The following SERPINA12 variants were observed in gnomAD, a reference collection of about 807,000 sequenced individuals.
SERPINA12 encodes the protein serpin family A member 12.
Under a neutral mutation model 25.9 loss-of-function variants are expected in SERPINA12, and 21 were observed. The observed-to-expected ratio is 0.81, with a 90% CI of 0.58 to 1.17. The LOEUF (loss-of-function observed/expected upper bound fraction) is 1.17. Among genes scored for constraint, SERPINA12 ranks in the 50% most tolerant of loss-of-function variants. SERPINA12 has a pLI of 0.00. For missense variants in SERPINA12, 562 were observed against 508.3 expected (o/e 1.11, Z -1.02); for synonymous variants, 220 against 196.0 (o/e 1.12, Z -1.02).
intron 3 of SERPINA12, among the ~76,000 whole-genome samples, chr14:94,491,655 A>T (rs183837398): frequency 5.9e-5 from 9 of 152,242 alleles, no homozygotes; most frequent in Admixed American, 5.9e-4. Context: ...GACAGACTGA[A>T]TGAGGCATTT....
chr14:94,489,517 G>A, intron 4 of SERPINA12, 103 bp downstream of exon 4: 1 of 1,344,372 alleles, frequency 7.4e-7, no homozygotes, highest in Admixed American at 2.2e-5. Context: ...CCGACTGGTG[G>A]GTGGAGTCTC....
At position 94,496,522 on chromosome 14, in the gene SERPINA12, G is replaced by T. The variant is rs761146045; in HGVS notation, c.756C>A (p.Asp252Glu). The T allele has an allele frequency of 1.9e-6, 3 of 1,613,868 alleles. No individual in the cohort carries two copies. Among genetic ancestry groups the T allele is most frequent in the Admixed American group, 1.7e-5 (1 of 59,986 alleles). The change falls in exon 3 of 5, where the codon GAC becomes GAA. Residue 252 changes from aspartate to glutamate, a missense_variant. Asp to Glu is a conservative substitution (Grantham distance 45). Transcript: ENST00000677451. ...CCAGGATGGTGCAAGAGAGCTTATC[G>T]TCATAGCCAACTTGGTATATGCCAC... is the stretch of plus-strand genomic sequence containing the variant. ...FRSGIYQVGY[D>E]DKLSCTILEI... is the part of the protein sequence containing the mutation.
chr14:94,517,377 AGCTC>A (rs540081647), intron 1 of SERPINA12: 1 of 152,314 alleles, frequency 6.6e-6, no homozygotes, highest in South Asian at 2.1e-4. Context: ...ATTTCTGGTT[AGCTC>A]CCTCTATAAC....
chr14:94,489,211 GAGAAAGAGAGAGAGAAAGAGGAA>G (rs1346410999), intron 4 of SERPINA12, among the ~76,000 whole-genome samples: 2 of 124,078 alleles, frequency 1.6e-5, no homozygotes, highest in Admixed American at 8.1e-5. Flanking sequence ...GAAAGAAAGA[GAGAAAGAGAGAGAGAAAGAGGAA>G]AGAAAGAGAG....
At chr14:94,490,500 C>T (rs1595684541) in intron 3 of SERPINA12, among the ~76,000 whole-genome samples, 3 of 152,088 alleles carry the variant, frequency 2.0e-5, no homozygotes, top group Admixed American at 2.0e-4. Context: ...GATCTCATTC[C>T]TGCCTATGTG....
chr14:94,496,825 A>G (rs547709507), intron 2 of SERPINA12, among the ~76,000 whole-genome samples, 182 bp from the exon 3 acceptor site: 1 of 152,238 alleles, frequency 6.6e-6, no homozygotes, highest in African/African-American at 2.4e-5. Flanking sequence ...CTCAGGTGCA[A>G]TTATTAGTTC....
Position 94,498,447 on chromosome 14 carries a change from A to T in SERPINA12, c.-33-17T>A. ...GTAGTAGACCTGAGGTCAGCAGAAA[A>T]AAAGAACATGATAACCCCATTGCCT... On this transcript the variant is annotated splice_polypyrimidine_tract_variant and intron_variant, in intron 1 of 4. Coordinates refer to ENST00000677451, the MANE Select transcript of SERPINA12 (RefSeq NM_001382267.1). The T allele has an allele frequency of 6.4e-7, 1 of 1,570,884 alleles. No individual in the cohort carries two copies. Among genetic ancestry groups the T allele is most frequent in the Non-Finnish European group, 8.6e-7 (1 of 1,160,452 alleles).
chr14:94,492,319 T>G (rs1900210518), intron 3 of SERPINA12, among the ~76,000 whole-genome samples: 1 of 151,292 alleles, frequency 6.6e-6, no homozygotes, highest in Non-Finnish European at 1.5e-5. Context: ...AAAGGGGGAG[T>G]GACGAAATGG....
In SERPINA12 at chr14:94,508,357, A is replaced by C. The variant is rs114466398; in HGVS notation, c.-34+985T>G. On this transcript the variant is annotated intron_variant, in intron 1 of 4. Transcript: ENST00000677451. The stretch of plus-strand genomic sequence containing the variant: ...ATGTTGAAAATCTTTCCACACAAAA[A>C]TCTAAACAAGTAAGAAATAAAAGGA... Among the ~76,000 whole-genome samples the C allele has an allele frequency of 4.3e-3, 642 of 149,564 alleles. 4 individuals are homozygous for C. Among genetic ancestry groups the C allele is most frequent in the African/African-American group, 0.015 (613 of 40,392 alleles).
At position 94,508,277 on chromosome 14, in the gene SERPINA12, T is replaced by A. The variant is rs1029951957; in HGVS notation, c.-34+1065A>T. ...AATAATTGATTTTGAAAGAAAATAT[T>A]TTTAAGCAATCTCCGGTAAGATCCT... On this transcript the variant is annotated intron_variant, in intron 1 of 4. Transcript: ENST00000677451. 2.0e-5 allele frequency among the ~76,000 whole-genome samples: 3 copies of A among 152,394 alleles called. No individual in the cohort carries two copies. The East Asian group carries it at 5.8e-4, about 29-fold the overall frequency.
chr14:94,515,029 C>A (rs966627945), intron 2 of SERPINA12, among the ~76,000 whole-genome samples: 1 of 152,200 alleles, frequency 6.6e-6, no homozygotes, highest in African/African-American at 2.4e-5. Context: ...CAGCCACACA[C>A]CTGCTGCTGG....
chr14:94,491,095 T>C (rs1396623450), intron 3 of SERPINA12, among the ~76,000 whole-genome samples: 1 of 152,218 alleles, frequency 6.6e-6, no homozygotes, highest in Non-Finnish European at 1.5e-5. Context: ...AAACATTTAT[T>C]AAATCTCTAC....
chr14:94,500,113 C>T (rs1900650954), intron 1 of SERPINA12, among the ~76,000 whole-genome samples: 1 of 152,146 alleles, frequency 6.6e-6, no homozygotes, highest in Non-Finnish European at 1.5e-5. Flanking sequence ...AGGAGTGTCC[C>T]CAGTTCCCAG....
chr14:94,497,691 G>A, intron 2 of SERPINA12, 73 bp downstream of exon 2: 1 of 1,424,354 alleles, frequency 7.0e-7, no homozygotes, highest in East Asian at 2.3e-5. Context: ...GTAAACAAGT[G>A]GCCAACCCAG....
At chr14:94,492,671 A>T (rs533131962) in intron 3 of SERPINA12, among the ~76,000 whole-genome samples, 26 of 152,332 alleles carry the variant, frequency 1.7e-4, no homozygotes, top group South Asian at 1.4e-3. Flanking sequence ...AAATGAGGAG[A>T]TCGGCTTTAG....
chr14:94,499,474 G>A (rs935678236), intron 1 of SERPINA12, among the ~76,000 whole-genome samples: 1 of 152,190 alleles, frequency 6.6e-6, no homozygotes, highest in African/African-American at 2.4e-5. Context: ...TGATTTCTCT[G>A]GTTGGACATA....
At chr14:94,496,982 T>C (rs933655529) in intron 2 of SERPINA12, among the ~76,000 whole-genome samples, 20 of 152,234 alleles carry the variant, frequency 1.3e-4, no homozygotes, top group African/African-American at 4.8e-4. Context: ...TTGAGTCTGA[T>C]GTGAGTAGAC....
At chr14:94,514,853 G>T (rs78244138) in intron 2 of SERPINA12, among the ~76,000 whole-genome samples, 4,782 of 152,288 alleles carry the variant, frequency 0.031, 126 homozygotes, top group Non-Finnish European at 0.047. Context: ...GGGAGAGTGT[G>T]GAGGTGGGCA....
chr14:94,490,172 G>A (rs1900108531), intron 3 of SERPINA12, among the ~76,000 whole-genome samples: 1 of 152,162 alleles, frequency 6.6e-6, no homozygotes, highest in Non-Finnish European at 1.5e-5. Context: ...AGACAGAACT[G>A]AGTTCAAATC....
Sources: gnomAD v4.1 joint callset for allele counts (sites outside exome capture counted in the v4.1 genomes callset) on GRCh38, gnomAD v4.1.1 for gene constraint, MANE v1.5 for transcripts, NCBI Gene and HGNC (gene_info 2026-07-23, HGNC 2026-07-21) for gene names.